Variants in FBXO34 observed in about 807,000 individuals in gnomAD.
FBXO34 encodes F-box only protein 34.
Under a neutral mutation model 24.5 loss-of-function variants are expected in FBXO34, and 12 were observed. That is an observed-to-expected ratio of 0.49 (90% CI 0.31 to 0.79). FBXO34 has a LOEUF of 0.79. Ranked by LOEUF, FBXO34 falls within the 30% of genes least tolerant of loss-of-function variation. The probability of loss-of-function intolerance (pLI) is 0.04; values close to 1 mark genes in which losing one functional copy is unlikely to be tolerated. For missense variants in FBXO34, 823 were observed against 857.7 expected, an observed-to-expected ratio of 0.96 and a Z score of 0.51; for synonymous variants, 320 against 311.9, an observed-to-expected ratio of 1.03 and a Z score of -0.27.
rs768185379 is a variant in FBXO34 at position 55,351,688 on chromosome 14, A to G, written c.1298A>G (p.Asp433Gly). Residue 433 changes from aspartate (D) to glycine (G), a missense_variant, in exon 2 of 2, where the codon GAT (aspartate) becomes GGT (glycine). Physicochemically the swap from Asp to Gly is moderately conservative, Grantham distance 94. This residue lies in a region of FBXO34 where 693 missense variants were observed against 659.1 expected (regional missense o/e 1.05). Coordinates refer to ENST00000313833, the MANE Select transcript of FBXO34 (RefSeq NM_017943.4). ...QASELPTDAV[D>G]CMSRELVSLT... Reference sequence around the variant, plus strand: ...TCTGAATTGCCCACAGATGCTGTTGATTGTATGAGCAGAGAGCTTGTGTCC... The same window carrying G: ...TCTGAATTGCCCACAGATGCTGTTGGTTGTATGAGCAGAGAGCTTGTGTCC... 6.2e-7 allele frequency: 1 copy of G among 1,614,154 alleles called. No homozygotes were observed. The highest frequency in any genetic ancestry group is 1.1e-5 in the South Asian group (1 of 91,082).
the FBXO34 span, among the ~76,000 whole-genome samples, chr14:55,416,346 C>T: frequency 8.5e-5 from 13 of 152,194 alleles, no homozygotes; most frequent in South Asian, 2.7e-3. Context: ...AATTCCAGCA[C>T]TTTGGGAGGC....
At chr14:55,278,173 G>A (rs1182218070) in intron 1 of FBXO34, among the ~76,000 whole-genome samples, 2 of 152,136 alleles carry the variant, frequency 1.3e-5, no homozygotes, top group Non-Finnish European at 2.9e-5. Context: ...TGAAACCTTA[G>A]CATTGCCTAT....
At chr14:55,282,731 A>C (rs1022205117) in intron 1 of FBXO34, 4 of 152,182 alleles carry the variant, frequency 2.6e-5, no homozygotes, top group Non-Finnish European at 5.9e-5. Flanking sequence ...TTTTTAGCAG[A>C]TTCATTTGTA....
chr14:55,431,709 C>T, the FBXO34 span, among the ~76,000 whole-genome samples: 4 of 152,264 alleles, frequency 2.6e-5, no homozygotes, highest in South Asian at 2.1e-4. Flanking sequence ...ACAATGGATC[C>T]TTCAATAAAT....
Position 55,283,394 on chromosome 14 carries a change from C to A in FBXO34, c.-11+11857C>A, listed in dbSNP as rs542220069. 1.3e-5 allele frequency among the ~76,000 whole-genome samples: 2 copies of A among 151,480 alleles called. 1 individual carries two copies. The highest frequency in any genetic ancestry group is 4.8e-5 in the African/African-American group (2 of 41,302). The stretch of plus-strand genomic sequence containing the variant: ...ATTAGTTATATTTCCATCACTTTTT[C>A]TTTTAGCATAATTTTACAGATATTT... On this transcript the variant is annotated intron_variant, in intron 1 of 1. Transcript: ENST00000313833.
chr14:55,397,300 C>T, the FBXO34 span: 208 of 1,288,882 alleles, frequency 1.6e-4, no homozygotes, highest in Non-Finnish European at 2.0e-4. Flanking sequence ...TATCTGCATA[C>T]CACAGCACTG....
intron 1 of FBXO34, among the ~76,000 whole-genome samples, chr14:55,305,155 A>G (rs1257231239): frequency 6.6e-6 from 1 of 152,218 alleles, no homozygotes; most frequent in Non-Finnish European, 1.5e-5. Flanking sequence ...GCTCATGCCT[A>G]TAATCCCGAC....
downstream of FBXO34, chr14:55,368,619 G>C (rs1344059545): frequency 1.3e-5 from 2 of 152,162 alleles, no homozygotes; most frequent in Non-Finnish European, 2.9e-5. Context: ...TGTGTCCTCA[G>C]AGCAACAAAG....
At chr14:55,379,560 G>C in the FBXO34 span, among the ~76,000 whole-genome samples, 1 of 151,888 alleles carries the variant, frequency 6.6e-6, no homozygotes, top group Non-Finnish European at 1.5e-5. Context: ...AAAGAAGAAA[G>C]TAAACTTTTA....
At chr14:55,393,424 T>C in the FBXO34 span, among the ~76,000 whole-genome samples, 11 of 152,138 alleles carry the variant, frequency 7.2e-5, no homozygotes, top group Middle Eastern at 3.4e-3. Flanking sequence ...TGAATAATGT[T>C]TACTGTTGTG....
chr14:55,342,335 A>G (rs1032052365), intron 1 of FBXO34, among the ~76,000 whole-genome samples: 2 of 152,180 alleles, frequency 1.3e-5, no homozygotes, highest in East Asian at 1.9e-4. Flanking sequence ...TTAACAGACA[A>G]TAAAGGACTT....
At chr14:55,378,216 G>A in the FBXO34 span, 14 of 650,050 alleles carry the variant, frequency 2.2e-5, no homozygotes, top group South Asian at 2.2e-4. Flanking sequence ...GACTTTCTAA[G>A]AATACACCAT....
At chr14:55,322,049 G>A (rs1480619755) in intron 1 of FBXO34, among the ~76,000 whole-genome samples, 3 of 151,992 alleles carry the variant, frequency 2.0e-5, no homozygotes, top group African/African-American at 4.8e-5. Context: ...TCAGCTGGGC[G>A]TGGTGGCTCA....
At chr14:55,435,254 T>G in the FBXO34 span, among the ~76,000 whole-genome samples, 1 of 152,020 alleles carries the variant, frequency 6.6e-6, no homozygotes, top group East Asian at 1.9e-4. Flanking sequence ...TTTAAGATAG[T>G]TAGCATCCCA....
At chr14:55,432,261 A>AG in the FBXO34 span, among the ~76,000 whole-genome samples, 2 of 151,462 alleles carry the variant, frequency 1.3e-5, no homozygotes, top group Admixed American at 1.3e-4. Flanking sequence ...AAAAAAAAAA[A>AG]AATTAGCCAG....
chr14:55,306,846 A>ACAAAG (rs1882564873), intron 1 of FBXO34, among the ~76,000 whole-genome samples: 4 of 151,720 alleles, frequency 2.6e-5, no homozygotes, highest in Admixed American at 2.6e-4. Flanking sequence ...ACAAAACAAA[A>ACAAAG]CAAAACAAAA....
intron 1 of FBXO34, among the ~76,000 whole-genome samples, chr14:55,279,429 A>C (rs1881458418): frequency 6.6e-6 from 1 of 152,206 alleles, no homozygotes. Context: ...CTGGTGACAA[A>C]ATGAACAGAT....
downstream of FBXO34, among the ~76,000 whole-genome samples, chr14:55,357,056 G>A (rs1269484662): frequency 6.6e-6 from 1 of 152,222 alleles, no homozygotes; most frequent in Non-Finnish European, 1.5e-5. Flanking sequence ...GAGATGTGCA[G>A]TCTCAACTGA....
At chr14:55,314,125 G>A (rs1882846815) in intron 1 of FBXO34, among the ~76,000 whole-genome samples, 1 of 151,718 alleles carries the variant, frequency 6.6e-6, no homozygotes, top group Admixed American at 6.6e-5. Context: ...TGCCCAGGGT[G>A]GTCTGGAACT....
Sources: allele counts gnomAD v4.1 joint callset (sites outside exome capture counted in the v4.1 genomes callset), GRCh38; gene constraint gnomAD v4.1.1; regional missense constraint gnomAD v4.1.1; transcripts MANE v1.5; gene names NCBI Gene and HGNC (gene_info 2026-07-23, HGNC 2026-07-21).